The following PLCB1 variants were observed in gnomAD, a reference collection of about 807,000 sequenced individuals.
PLCB1 encodes the protein phospholipase C beta 1, also known as 1-phosphatidylinositol 4,5-bisphosphate phosphodiesterase beta-1.
Under a neutral mutation model 161.8 loss-of-function variants are expected in PLCB1, and 46 were observed. The observed-to-expected ratio is 0.28, with a 90% CI of 0.22 to 0.36. PLCB1 has a LOEUF of 0.36. Among genes scored for constraint, PLCB1 ranks in the 10% least tolerant of loss-of-function variants. The pLI is 1.00. For missense variants in PLCB1, 1,016 were observed against 1,472.5 expected (o/e 0.69, Z 5.07); for synonymous variants, 517 against 503.7 (o/e 1.03, Z -0.35).
intron 2 of PLCB1, among the ~76,000 whole-genome samples, chr20:8,276,926 T>TTTCTTCTTCCTC (rs1474129969): frequency 1.3e-3 from 133 of 104,802 alleles, no homozygotes; most frequent in African/African-American, 4.3e-3. Context: ...GTCTTCTTCT[T>TTTCTTCTTCCTC]TTCTTCTTCT....
At chr20:8,773,343 A>G (rs963768771) in intron 26 of PLCB1, among the ~76,000 whole-genome samples, 1 of 152,176 alleles carries the variant, frequency 6.6e-6, no homozygotes, top group African/African-American at 2.4e-5. Context: ...TACTCTTTGT[A>G]CCCTGTTCCC....
chr20:8,186,314 G>A (rs2123100312), intron 2 of PLCB1, among the ~76,000 whole-genome samples: 1 of 152,286 alleles, frequency 6.6e-6, no homozygotes, highest in Non-Finnish European at 1.5e-5. Flanking sequence ...TTTTTCCTGA[G>A]TGTGTGAAAT....
At chr20:8,737,968 C>T (rs1258796414) in intron 20 of PLCB1, among the ~76,000 whole-genome samples, 1 of 152,144 alleles carries the variant, frequency 6.6e-6, no homozygotes, top group Non-Finnish European at 1.5e-5. Flanking sequence ...AAATATCTAG[C>T]ACAATGAAAA....
chr20:8,647,528 G>C (rs1383235692), intron 5 of PLCB1, among the ~76,000 whole-genome samples: 1 of 152,190 alleles, frequency 6.6e-6, no homozygotes, highest in African/African-American at 2.4e-5. Flanking sequence ...TTCTCATTCT[G>C]AGAATGAATA....
chr20:8,547,445 C>T (rs557052108), intron 3 of PLCB1, among the ~76,000 whole-genome samples: 5 of 152,244 alleles, frequency 3.3e-5, no homozygotes, highest in African/African-American at 1.2e-4. Flanking sequence ...ATTACAAAAG[C>T]ATCACCTCCT....
chr20:8,823,154 G>T (rs6056171), intron 31 of PLCB1, among the ~76,000 whole-genome samples: 4,023 of 152,160 alleles, frequency 0.026, 166 homozygotes, highest in African/African-American at 0.092. Flanking sequence ...ACAGAGTCTT[G>T]CTCTGTCACC....
intron 2 of PLCB1, among the ~76,000 whole-genome samples, chr20:8,182,669 C>A (rs560946200): frequency 6.6e-6 from 1 of 151,704 alleles, no homozygotes; most frequent in South Asian, 2.1e-4. Context: ...CAACCTCTGC[C>A]TCCCAAGTTC....
In PLCB1 at chr20:8,727,373, G is replaced by A. The variant is rs1006615596; in HGVS notation, c.1743G>A (p.Lys581=). 3.8e-6 allele frequency: 6 copies of A among 1,585,814 alleles called. No homozygotes were observed. Among genetic ancestry groups the A allele is most frequent in the Non-Finnish European group, 4.3e-6 (5 of 1,155,450 alleles). The change falls in exon 17 of 32, where the codon AAG becomes AAA. Residue 581 remains lysine (K), a synonymous_variant. Transcript: ENST00000338037. ...CCAAAGGACTTGAACAACTCACCAA[G>A]TCTCCAGTGGAATTTGTAGAGTATC... ...VETKGLEQLT[K]SPVEFVEYNK...
chr20:8,837,745 C>T (rs1986344012), intron 31 of PLCB1, among the ~76,000 whole-genome samples: 1 of 152,202 alleles, frequency 6.6e-6, no homozygotes, highest in African/African-American at 2.4e-5. Flanking sequence ...GAGGGAGTCC[C>T]AGCATCCTTG....
chr20:8,614,014 T>A (rs1443745542), intron 3 of PLCB1, among the ~76,000 whole-genome samples: 6 of 152,056 alleles, frequency 3.9e-5, no homozygotes, highest in Non-Finnish European at 8.8e-5. Context: ...TGTTTATAAA[T>A]CAATAAGAAA....
intron 2 of PLCB1, among the ~76,000 whole-genome samples, chr20:8,278,494 T>A (rs1157497131): frequency 6.6e-6 from 1 of 151,506 alleles, no homozygotes; most frequent in Admixed American, 6.6e-5. Context: ...TCTAAAACTA[T>A]ATAGGAAAAT....
intron 31 of PLCB1, among the ~76,000 whole-genome samples, chr20:8,837,787 A>G (rs1986345351): frequency 6.6e-6 from 1 of 152,232 alleles, no homozygotes; most frequent in African/African-American, 2.4e-5. Flanking sequence ...TCTGTAGGCC[A>G]GAACTTACAA....
intron 3 of PLCB1, among the ~76,000 whole-genome samples, chr20:8,378,306 C>T (rs1000490150): frequency 2.0e-5 from 3 of 151,980 alleles, no homozygotes; most frequent in Admixed American, 6.6e-5. Context: ...ACAGGCATAC[C>T]GCAGCAGCAT....
At chr20:8,243,558 T>C (rs905865898) in intron 2 of PLCB1, among the ~76,000 whole-genome samples, 1 of 151,974 alleles carries the variant, frequency 6.6e-6, no homozygotes, top group Non-Finnish European at 1.5e-5. Flanking sequence ...CCAATGGATA[T>C]AAATAGAACC....
At chr20:8,422,586 G>A (rs1395812105) in intron 3 of PLCB1, among the ~76,000 whole-genome samples, 2 of 152,148 alleles carry the variant, frequency 1.3e-5, no homozygotes, top group South Asian at 2.1e-4. Flanking sequence ...CAATAAAAAC[G>A]TATAACGTTT....
chr20:8,782,619 T>C (rs1226127874), intron 27 of PLCB1, among the ~76,000 whole-genome samples: 2 of 152,198 alleles, frequency 1.3e-5, no homozygotes, highest in African/African-American at 4.8e-5. Flanking sequence ...CTCAAACTCC[T>C]GGCTTTGAGT....
intron 3 of PLCB1, among the ~76,000 whole-genome samples, chr20:8,521,530 C>A (rs1194043457): frequency 2.0e-5 from 3 of 151,950 alleles, no homozygotes; most frequent in Non-Finnish European, 4.4e-5. Context: ...ATGGAGAAAA[C>A]CAGTCTCTAT....
In PLCB1 at chr20:8,671,321, A is replaced by G. The variant is rs75525548; in HGVS notation, c.862+12617A>G. Among the ~76,000 whole-genome samples, 28 of 152,302 alleles carry G rather than the reference A, an allele frequency of 1.8e-4. 1 individual carries two copies. The East Asian group carries it at 4.0e-3, about 22-fold the overall frequency. On this transcript the variant is annotated intron_variant, in intron 9 of 31. Coordinates refer to ENST00000338037, the MANE Select transcript of PLCB1 (RefSeq NM_015192.4). ...AACCTGCATATTTTTTGCAAAGCCC[A>G]CAAAACAATGTCACTTCTTGTGTTC...
intron 2 of PLCB1, among the ~76,000 whole-genome samples, chr20:8,309,483 G>A (rs910163570): frequency 6.6e-6 from 1 of 152,100 alleles, no homozygotes; most frequent in African/African-American, 2.4e-5. Context: ...TCTTATGACT[G>A]GAAATAGTAA....
Sources: allele counts gnomAD v4.1 joint callset (sites outside exome capture counted in the v4.1 genomes callset), GRCh38; gene constraint gnomAD v4.1.1; transcripts MANE v1.5; gene names NCBI Gene and HGNC (gene_info 2026-07-23, HGNC 2026-07-21).